The following SCARB2 variants were observed in gnomAD, a reference collection of about 807,000 sequenced individuals.
The protein encoded by SCARB2 is scavenger receptor class B member 2, also known as lysosome membrane protein 2.
SCARB2 carries 29 observed loss-of-function variants against 58.6 expected under a neutral mutation model. That is an observed-to-expected ratio of 0.49 (90% CI 0.37 to 0.67). SCARB2 has a LOEUF of 0.67. SCARB2 is among the 30% of genes least tolerant of loss of function. The probability of loss-of-function intolerance (pLI) is 0.00; values close to 1 mark genes in which losing one functional copy is unlikely to be tolerated. For synonymous variants in SCARB2, 195 were observed against 210.1 expected, an observed-to-expected ratio of 0.93 and a Z score of 0.62; for missense variants, 488 against 578.5, an observed-to-expected ratio of 0.84 and a Z score of 1.60.
intron 9 of SCARB2, 91 bp from the exon 10 acceptor site, chr4:76,166,392 T>A: frequency 7.7e-7 from 1 of 1,304,252 alleles, no homozygotes; most frequent in Non-Finnish European, 1.1e-6. Flanking sequence ...AAGATTCTAG[T>A]ACACTTATTT....
intron 1 of SCARB2, among the ~76,000 whole-genome samples, chr4:76,225,822 C>G (rs943081097): frequency 3.3e-5 from 5 of 152,276 alleles, no homozygotes; most frequent in Non-Finnish European, 4.4e-5. Flanking sequence ...TTTCCATGTT[C>G]ATCAGGGATA....
rs1731878881 is a variant in SCARB2 at position 76,160,713 on chromosome 4, T to C, written c.*1000A>G. The C allele has an allele frequency of 6.6e-6, 1 of 152,204 alleles. No individual in the cohort carries two copies. The highest frequency in any genetic ancestry group is 1.5e-5 in the Non-Finnish European group (1 of 68,036). The allele number at this position is 152,204 out of a possible 1,614,324, so 9.4% of individuals were successfully genotyped here. A position where few individuals can be genotyped will look rare whatever the true frequency, so the allele number is the denominator to read the frequency against. On this transcript the variant is annotated 3_prime_UTR_variant, in exon 12 of 12. Transcript: ENST00000264896. ...TGTCCCAGAAGAAATATCTCTTTAG[T>C]CTAATCAGACTTTCTGAAACTTATG... is the stretch of plus-strand genomic sequence containing the variant.
chr4:76,173,845 A>AT (rs781041677), intron 7 of SCARB2: 112 of 360,834 alleles, frequency 3.1e-4, no homozygotes, highest in East Asian at 6.0e-4. Context: ...AAAAGCCATG[A>AT]TTTTTTTTTA....
chr4:76,173,597 C>G (rs1732180460), intron 7 of SCARB2: 1 of 157,658 alleles, frequency 6.3e-6, no homozygotes, highest in African/African-American at 2.4e-5. Context: ...CTCGGCCTCT[C>G]AAAGTGCTGG....
At chr4:76,179,179 G>T (rs566556596) in intron 4 of SCARB2, 7 of 326,032 alleles carry the variant, frequency 2.1e-5, no homozygotes, top group Non-Finnish European at 4.1e-5. Context: ...TCAGTCTCCT[G>T]AGTAGGTGAG....
rs763291527 is a variant in SCARB2 at position 76,195,827 on chromosome 4, G to A, written c.155C>T (p.Ser52Phe). The A allele has an allele frequency of 2.5e-6, 4 of 1,613,838 alleles. No individual in the cohort carries two copies. The Admixed American group carries it at 6.7e-5, about 27-fold the overall frequency. The change falls in exon 2 of 12, where the codon TCC becomes TTC. Residue 52 changes from serine to phenylalanine, a missense_variant. Ser to Phe is a radical substitution (Grantham distance 155). Coordinates refer to ENST00000264896, the MANE Select transcript of SCARB2 (RefSeq NM_005506.4). ...VLRNGTEAFD[S>F]WEKPPLPVYT... ...CACAGGCAGAGGGGGCTTCTCCCAG[G>A]AGTCAAATGCCTCAGTACCATTCCT...
At chr4:76,182,124 A>ACTAGCC (rs1331126450) in intron 2 of SCARB2, among the ~76,000 whole-genome samples, 1 of 152,214 alleles carries the variant, frequency 6.6e-6, no homozygotes, top group East Asian at 1.9e-4. Context: ...AATGCCTCAC[A>ACTAGCC]CTAGCCCTAG....
chr4:76,163,106 C>A, intron 11 of SCARB2, 119 bp downstream of exon 11: 2 of 1,293,546 alleles, frequency 1.5e-6, no homozygotes, highest in Non-Finnish European at 2.2e-6. Context: ...TCACTATGCC[C>A]AGCATAAAAT....
At position 76,180,995 on chromosome 4, in the gene SCARB2, G is replaced by C. The variant is rs143558324; in HGVS notation, c.382C>G (p.Pro128Ala). The change falls in exon 3 of 12, where the codon CCT becomes GCT. Residue 128 changes from proline (P) to alanine (A), a missense_variant. Coordinates refer to ENST00000264896, the MANE Select transcript of SCARB2 (RefSeq NM_005506.4). ...AATGTTCTAATTAAGTCAATTTTAG[G>C]GTCTCCAACAGATTGGTCTCGTTCA... ...VFERDQSVGD[P>A]KIDLIRTLNI... 1.9e-4 allele frequency: 305 copies of C among 1,613,222 alleles called. No individual in the cohort carries two copies. The African/African-American group carries it at 3.7e-3, about 20-fold the overall frequency.
rs532695615 is a variant in SCARB2, at chr4:76,228,744, A to C, written c.-358+5559T>G. Among the ~76,000 whole-genome samples, 877 of 152,214 alleles carry C rather than the reference A, an allele frequency of 5.8e-3. 11 individuals are homozygous for C. The highest frequency in any genetic ancestry group is 0.02 in the African/African-American group (830 of 41,520). On this transcript the variant is annotated intron_variant, in intron 1 of 11. Coordinates refer to the SCARB2 transcript ENST00000638295. ...CTATTAATCTGATAGATTTTCCTTT[A>C]TAGGTTACATGATGCTTTTGCCTCA...
At chr4:76,170,945 AATATATAT>A (rs35595759) in intron 7 of SCARB2, among the ~76,000 whole-genome samples, 33,310 of 136,528 alleles carry the variant, frequency 0.24, 4,833 homozygotes, top group East Asian at 0.46. Flanking sequence ...TGTAAATTTA[AATATATAT>A]ATATATATAT....
At chr4:76,180,062 G>C (rs1078350) in intron 3 of SCARB2, 7 of 347,416 alleles carry the variant, frequency 2.0e-5, no homozygotes, top group Non-Finnish European at 3.3e-5. Context: ...TTATAAACCC[G>C]ACCTACACCC....
chr4:76,210,989 A>C (rs533965701), intron 1 of SCARB2, among the ~76,000 whole-genome samples: 1 of 152,248 alleles, frequency 6.6e-6, no homozygotes, highest in Non-Finnish European at 1.5e-5. Context: ...TTATAACTAC[A>C]TTAGAATCAA....
intron 1 of SCARB2, among the ~76,000 whole-genome samples, chr4:76,203,212 T>C (rs139552901): frequency 2.9e-4 from 44 of 152,144 alleles, no homozygotes; most frequent in African/African-American, 1.1e-3. Context: ...TGGCCTCAAG[T>C]GATCCACCTA....
At chr4:76,223,927 C>A (rs1733351210) in intron 1 of SCARB2, among the ~76,000 whole-genome samples, 1 of 152,142 alleles carries the variant, frequency 6.6e-6, no homozygotes. Context: ...GCTACCCTAT[C>A]CCTGAGCGAT....
intron 2 of SCARB2, among the ~76,000 whole-genome samples, chr4:76,190,405 T>C (rs1325252695): frequency 6.6e-6 from 1 of 152,040 alleles, no homozygotes; most frequent in Admixed American, 6.6e-5. Context: ...GATGTGAAGG[T>C]CAAGAGAGGT....
At chr4:76,169,338 AC>A (rs1732079341) in intron 8 of SCARB2, among the ~76,000 whole-genome samples, 1 of 142,904 alleles carries the variant, frequency 7.0e-6, no homozygotes, top group Non-Finnish European at 1.5e-5. Context: ...ACACACACAC[AC>A]ACGTGTGTAT....
intron 2 of SCARB2, among the ~76,000 whole-genome samples, chr4:76,181,518 T>A (rs764019298): frequency 2.0e-5 from 3 of 152,192 alleles, no homozygotes; most frequent in Non-Finnish European, 4.4e-5. Context: ...AAATTGAAAT[T>A]TTATTTTAAA....
intron 9 of SCARB2, 101 bp downstream of exon 9, chr4:76,168,302 A>G: frequency 1.1e-6 from 1 of 886,668 alleles, no homozygotes. Context: ...AGGGGTGAGC[A>G]GGCTTAGATG....
Sources: gnomAD v4.1 joint callset for allele counts (sites outside exome capture counted in the v4.1 genomes callset) on GRCh38, gnomAD v4.1.1 for gene constraint, MANE v1.5 for transcripts, NCBI Gene and HGNC (gene_info 2026-07-23, HGNC 2026-07-21) for gene names.